The following TENM4 variants were observed in gnomAD, a reference collection of about 807,000 sequenced individuals.
The protein encoded by TENM4 is teneurin-4.
A neutral mutation model predicts 243.3 loss-of-function variants in TENM4; 82 were observed. The ratio of observed to expected loss-of-function variants is 0.34; its 90% CI spans 0.28 to 0.40. The LOEUF (loss-of-function observed/expected upper bound fraction) is 0.40, where lower values mean the gene tolerates loss of function less well. Among genes scored for constraint, TENM4 ranks in the 10% least tolerant of loss-of-function variants. The pLI, the probability that TENM4 is intolerant of heterozygous loss-of-function variation, is 1.00. For missense variants in TENM4, 3,138 were observed against 3,673.3 expected (o/e 0.85, Z 3.77); for synonymous variants, 1,412 against 1,456.3 (o/e 0.97, Z 0.69).
intron 2 of TENM4, among the ~76,000 whole-genome samples, chr11:79,242,350 C>T (rs766643258): frequency 1.2e-4 from 18 of 151,494 alleles, no homozygotes; most frequent in Non-Finnish European, 1.9e-4. Flanking sequence ...TACCCAACAC[C>T]GATGACCAAT....
chr11:79,000,452 G>GTA (rs35123941), intron 6 of TENM4, among the ~76,000 whole-genome samples: 11 of 151,290 alleles, frequency 7.3e-5, no homozygotes, highest in South Asian at 2.1e-4. Context: ...TTTATAATAT[G>GTA]TATATATATA....
intron 9 of TENM4, among the ~76,000 whole-genome samples, chr11:78,883,510 T>A (rs1220388927): frequency 6.6e-6 from 1 of 152,192 alleles, no homozygotes; most frequent in African/African-American, 2.4e-5. Context: ...GACCTGATGA[T>A]ACAGCAATCA....
At chr11:78,936,167 G>A (rs1423979374) in intron 6 of TENM4, among the ~76,000 whole-genome samples, 1 of 152,180 alleles carries the variant, frequency 6.6e-6, no homozygotes, top group East Asian at 1.9e-4. Flanking sequence ...AATAACTGTT[G>A]AGTTAACTGG....
chr11:79,415,466 G>A (rs979907500), intron 1 of TENM4, among the ~76,000 whole-genome samples: 3 of 152,118 alleles, frequency 2.0e-5, no homozygotes, highest in Non-Finnish European at 4.4e-5. Flanking sequence ...GGTCAGACTC[G>A]GTGCTCAGGG....
intron 6 of TENM4, among the ~76,000 whole-genome samples, chr11:78,943,458 G>A (rs1239378602): frequency 1.3e-5 from 2 of 152,188 alleles, no homozygotes; most frequent in Non-Finnish European, 2.9e-5. Flanking sequence ...AAATGAGCAG[G>A]AAACAAGTCT....
At chr11:78,861,999 C>A (rs889584747) in intron 10 of TENM4, among the ~76,000 whole-genome samples, 1 of 152,138 alleles carries the variant, frequency 6.6e-6, no homozygotes, top group Non-Finnish European at 1.5e-5. Flanking sequence ...CTGACAATGT[C>A]CATGGCATGT....
chr11:79,305,438 G>A (rs1212583652), intron 1 of TENM4, among the ~76,000 whole-genome samples: 5 of 152,098 alleles, frequency 3.3e-5, no homozygotes, highest in African/African-American at 1.2e-4. Context: ...CTGGTGGATG[G>A]GAAGCCTGTT....
At chr11:79,392,265 A>C (rs549079) in intron 1 of TENM4, among the ~76,000 whole-genome samples, 64,563 of 152,090 alleles carry the variant, frequency 0.42, 13,706 homozygotes, top group Non-Finnish European at 0.46. Flanking sequence ...TCTGGGCAGA[A>C]ACAGAAGACA....
chr11:78,929,819 C>T (rs1358276738), intron 6 of TENM4, among the ~76,000 whole-genome samples: 1 of 152,090 alleles, frequency 6.6e-6, no homozygotes, highest in East Asian at 1.9e-4. Flanking sequence ...CTTTTTTAGC[C>T]ACCAAACATT....
Position 79,064,862 on chromosome 11 carries a change from C to T in TENM4, c.369G>A (p.Leu123=), listed in dbSNP as rs1395113616. 1.3e-6 allele frequency: 2 copies of T among 1,551,144 alleles called. No homozygotes were observed. Among genetic ancestry groups the T allele is most frequent in the African/African-American group, 2.7e-5 (2 of 73,034 alleles). The part of the protein sequence containing the change: ...SDADMEADTV[L]SPEHPVRLWG... ...ACAGACGCACGGGGTGCTCAGGGGACAGCACCGTGTCAGCCTCCATGTCGG... is the reference window on the plus strand; with the variant it reads ...ACAGACGCACGGGGTGCTCAGGGGATAGCACCGTGTCAGCCTCCATGTCGG... Residue 123 remains leucine, a synonymous_variant, in exon 6 of 34, where the codon CTG becomes CTA. Coordinates refer to ENST00000278550, the MANE Select transcript of TENM4 (RefSeq NM_001098816.3).
intron 6 of TENM4, among the ~76,000 whole-genome samples, chr11:79,042,805 A>G (rs956056895): frequency 2.0e-5 from 3 of 152,186 alleles, no homozygotes; most frequent in African/African-American, 7.2e-5. Context: ...CATGATTACT[A>G]TTCAGATTCC....
At chr11:78,760,175 G>A (rs79515247) in intron 18 of TENM4, among the ~76,000 whole-genome samples, 4,643 of 152,286 alleles carry the variant, frequency 0.03, 243 homozygotes, top group African/African-American at 0.1. Flanking sequence ...AACAGTGACT[G>A]TACTCCACAG....
intron 2 of TENM4, among the ~76,000 whole-genome samples, chr11:79,228,550 C>T (rs1025519322): frequency 2.0e-5 from 3 of 152,070 alleles, no homozygotes; most frequent in African/African-American, 7.2e-5. Context: ...CGTGCCCACC[C>T]ACGCAGACAC....
intron 6 of TENM4, among the ~76,000 whole-genome samples, chr11:78,905,303 T>C (rs551511236): frequency 2.0e-5 from 3 of 152,322 alleles, no homozygotes; most frequent in African/African-American, 7.2e-5. Context: ...ATTAGTGTTA[T>C]GGATTTTTTT....
intron 18 of TENM4, among the ~76,000 whole-genome samples, chr11:78,763,520 A>C (rs1856476018): frequency 6.6e-6 from 1 of 152,222 alleles, no homozygotes; most frequent in Non-Finnish European, 1.5e-5. Context: ...GCTTCTGCTA[A>C]CGTTTTCATC....
At chr11:79,276,394 G>C (rs911191890) in intron 2 of TENM4, among the ~76,000 whole-genome samples, 1 of 152,218 alleles carries the variant, frequency 6.6e-6, no homozygotes, top group Non-Finnish European at 1.5e-5. Flanking sequence ...GGGCTAGCAG[G>C]GTCTCCAGGA....
intron 2 of TENM4, among the ~76,000 whole-genome samples, chr11:79,216,128 A>G (rs770267404): frequency 9.2e-5 from 14 of 152,194 alleles, no homozygotes; most frequent in Non-Finnish European, 8.8e-5. Flanking sequence ...AGAGGCTCAA[A>G]TGTACCTTCT....
At chr11:78,729,951 C>T (rs1855614789) in intron 21 of TENM4, among the ~76,000 whole-genome samples, 1 of 152,128 alleles carries the variant, frequency 6.6e-6, no homozygotes, top group African/African-American at 2.4e-5. Flanking sequence ...GTCACCTCAC[C>T]TCGCCAAGCC....
At chr11:78,826,351 T>C (rs575222531) in intron 12 of TENM4, among the ~76,000 whole-genome samples, 3 of 152,212 alleles carry the variant, frequency 2.0e-5, no homozygotes, top group African/African-American at 7.2e-5. Flanking sequence ...CCTCCCAAAG[T>C]GTTGGGATTA....
Sources: allele counts gnomAD v4.1 joint callset (sites outside exome capture counted in the v4.1 genomes callset), GRCh38; gene constraint gnomAD v4.1.1; transcripts MANE v1.5; gene names NCBI Gene and HGNC (gene_info 2026-07-23, HGNC 2026-07-21).